Variants in DNAJC1 observed in about 807,000 individuals in gnomAD.
DNAJC1 encodes dnaJ homolog subfamily C member 1.
DNAJC1 carries 58 observed loss-of-function variants against 76.6 expected under a neutral mutation model. That is an observed-to-expected ratio of 0.76 (90% CI 0.61 to 0.94). The LOEUF (loss-of-function observed/expected upper bound fraction) is 0.94. DNAJC1 is among the 40% of genes least tolerant of loss of function. The pLI is 0.00. For missense variants in DNAJC1, 689 were observed against 677.3 expected (o/e 1.02, Z -0.19); for synonymous variants, 258 against 267.9 (o/e 0.96, Z 0.36).
At chr10:21,837,105 G>T (rs888294859) in intron 8 of DNAJC1, among the ~76,000 whole-genome samples, 1 of 152,254 alleles carries the variant, frequency 6.6e-6, no homozygotes, top group East Asian at 1.9e-4. Flanking sequence ...TGGAGATGGG[G>T]TTTCGCTGTG....
intron 8 of DNAJC1, among the ~76,000 whole-genome samples, chr10:21,831,461 A>G (rs1670894294): frequency 6.6e-6 from 1 of 152,136 alleles, no homozygotes; most frequent in Non-Finnish European, 1.5e-5. Context: ...TTTAATCTAT[A>G]CTATGATTAC....
At chr10:21,763,787 G>C (rs193076258) in intron 10 of DNAJC1, among the ~76,000 whole-genome samples, 2 of 152,160 alleles carry the variant, frequency 1.3e-5, no homozygotes, top group Admixed American at 1.3e-4. Flanking sequence ...ACTCAACTGG[G>C]TATCTTGTTG....
chr10:21,819,537 G>C (rs1005449983), intron 8 of DNAJC1, among the ~76,000 whole-genome samples: 4 of 152,298 alleles, frequency 2.6e-5, no homozygotes, highest in African/African-American at 9.6e-5. Context: ...CAGAACATGT[G>C]AGGTGGCCTT....
chr10:21,944,058 A>T (rs773409720), intron 1 of DNAJC1, among the ~76,000 whole-genome samples: 12 of 152,214 alleles, frequency 7.9e-5, no homozygotes, highest in Non-Finnish European at 1.5e-4. Context: ...TACTTGCTGC[A>T]AGTGGATCTG....
intron 1 of DNAJC1, among the ~76,000 whole-genome samples, chr10:21,996,947 T>C (rs1296594083): frequency 1.3e-5 from 2 of 152,194 alleles, no homozygotes; most frequent in African/African-American, 2.4e-5. Context: ...GAAATATAAA[T>C]GACTGAAAGG....
intron 1 of DNAJC1, among the ~76,000 whole-genome samples, chr10:21,956,096 G>C (rs1837676609): frequency 6.6e-6 from 1 of 152,184 alleles, no homozygotes; most frequent in Non-Finnish European, 1.5e-5. Flanking sequence ...TCTGGAGGTT[G>C]AGGAGTCCAA....
At chr10:21,842,561 T>A (rs1042580798) in intron 8 of DNAJC1, among the ~76,000 whole-genome samples, 4 of 152,226 alleles carry the variant, frequency 2.6e-5, no homozygotes, top group African/African-American at 9.6e-5. Context: ...TCAGGTACAC[T>A]GAACGCCATC....
intron 8 of DNAJC1, among the ~76,000 whole-genome samples, chr10:21,843,559 A>C (rs1384307324): frequency 1.3e-5 from 2 of 151,360 alleles, no homozygotes; most frequent in Admixed American, 1.3e-4. Context: ...ATGCCCAGCT[A>C]ATTTTTTGTA....
intron 1 of DNAJC1, among the ~76,000 whole-genome samples, chr10:21,963,103 C>A (rs1837827207): frequency 6.6e-6 from 1 of 151,988 alleles, no homozygotes; most frequent in South Asian, 2.1e-4. Flanking sequence ...TTCCTGATAA[C>A]CATAAAGAAA....
At chr10:21,822,251 C>T (rs1250530004) in intron 8 of DNAJC1, among the ~76,000 whole-genome samples, 3 of 151,954 alleles carry the variant, frequency 2.0e-5, no homozygotes, top group Admixed American at 2.0e-4. Context: ...CCAGCCTGGC[C>T]AACATGGTGA....
chr10:21,862,522 G>T (rs982370799), intron 8 of DNAJC1, among the ~76,000 whole-genome samples: 1 of 145,188 alleles, frequency 6.9e-6, no homozygotes, highest in Non-Finnish European at 1.5e-5. Context: ...TCTGCCTCCC[G>T]AGTTCAAGCA....
chr10:21,835,262 G>C (rs1835431518), intron 8 of DNAJC1, among the ~76,000 whole-genome samples: 1 of 152,186 alleles, frequency 6.6e-6, no homozygotes, highest in East Asian at 1.9e-4. Context: ...CTGCAGCTGA[G>C]GGTCCTGTCT....
chr10:21,885,474 A>C (rs1362032460), intron 7 of DNAJC1, among the ~76,000 whole-genome samples: 1 of 152,098 alleles, frequency 6.6e-6, no homozygotes, highest in Non-Finnish European at 1.5e-5. Context: ...CAAACTAAAC[A>C]GTGAACCAAA....
At chr10:21,877,043 G>A (rs1836198661) in intron 8 of DNAJC1, among the ~76,000 whole-genome samples, 1 of 152,130 alleles carries the variant, frequency 6.6e-6, no homozygotes, top group South Asian at 2.1e-4. Flanking sequence ...GGGAGGCTGA[G>A]GCAGGAGGAT....
rs1738505834 is a variant in DNAJC1 at position 21,874,887 on chromosome 10, T to TG, written c.978+7394_978+7395insC. Reference sequence around the variant, plus strand: ...GTTTTTTTGTTTTGTTTTTGTTTTTTTGTGTGTGTGTGTGATGGAGTCTTG... The same window carrying TG: ...GTTTTTTTGTTTTGTTTTTGTTTTTTGTGTGTGTGTGTGTGATGGAGTCTTG... On this transcript the variant is annotated intron_variant, in intron 8 of 11. Coordinates refer to ENST00000376980, the MANE Select transcript of DNAJC1 (RefSeq NM_022365.4). 2.0e-5 allele frequency among the ~76,000 whole-genome samples: 3 copies of TG among 151,850 alleles called. No individual in the cohort carries two copies. In the South Asian group the frequency reaches 6.2e-4, roughly 32 times the overall value.
chr10:21,866,983 C>A, intron 8 of DNAJC1, among the ~76,000 whole-genome samples: 1 of 152,180 alleles, frequency 6.6e-6, no homozygotes, highest in East Asian at 1.9e-4. Flanking sequence ...GAAATCAGAA[C>A]ACAAATTATT....
At chr10:21,810,990 C>T (rs1221037621) in intron 8 of DNAJC1, among the ~76,000 whole-genome samples, 1 of 152,156 alleles carries the variant, frequency 6.6e-6, no homozygotes. Flanking sequence ...ACCCAGCTAC[C>T]ACGGGGTACT....
In DNAJC1 at chr10:21,901,246, G is replaced by A. The variant is rs1226156718; in HGVS notation, c.820+3276C>T. Among the ~76,000 whole-genome samples, 16 of 152,102 alleles carry A rather than the reference G, an allele frequency of 1.1e-4. 1 individual carries two copies. Among genetic ancestry groups the A allele is most frequent in the Admixed American group, 1.0e-3 (16 of 15,274 alleles). On this transcript the variant is annotated intron_variant, in intron 7 of 11. Coordinates refer to ENST00000376980, the MANE Select transcript of DNAJC1 (RefSeq NM_022365.4). ...AAAATCATAGAAGGTACAAAGAAAG[G>A]GGTCAAGGAAATAATCGAGTTTACT...
chr10:21,941,071 G>A (rs1441488304), intron 1 of DNAJC1, among the ~76,000 whole-genome samples: 3 of 122,724 alleles, frequency 2.4e-5, no homozygotes, highest in African/African-American at 6.3e-5. Flanking sequence ...CTAACACGGT[G>A]AAACTCCGTC....
Sources: gnomAD v4.1 joint callset for allele counts (sites outside exome capture counted in the v4.1 genomes callset) on GRCh38, gnomAD v4.1.1 for gene constraint, MANE v1.5 for transcripts, NCBI Gene and HGNC (gene_info 2026-07-23, HGNC 2026-07-21) for gene names.